The following POLK variants were observed in gnomAD, a reference collection of about 807,000 sequenced individuals.
POLK encodes the protein polymerase (DNA directed) kappa.
In POLK, 76 loss-of-function variants were observed where a neutral mutation model predicts 94.0. The observed-to-expected ratio is 0.81, with a 90% CI of 0.67 to 0.98. The LOEUF (loss-of-function observed/expected upper bound fraction) is 0.98. POLK is among the 50% of genes least tolerant of loss of function. The probability of loss-of-function intolerance (pLI) is 0.00; values close to 1 mark genes in which losing one functional copy is unlikely to be tolerated. For missense variants in POLK, 954 were observed against 1,010.1 expected (o/e 0.94, Z 0.75); for synonymous variants, 349 against 325.4 (o/e 1.07, Z -0.78).
At chr5:75,521,049 C>T (rs1768556358) in intron 1 of POLK, among the ~76,000 whole-genome samples, 1 of 152,068 alleles carries the variant, frequency 6.6e-6, no homozygotes, top group African/African-American at 2.4e-5. Flanking sequence ...AAGAGCCTCT[C>T]TTTGTCCTTG....
At chr5:75,537,720 C>T (rs1769519468) in intron 1 of POLK, among the ~76,000 whole-genome samples, 1 of 152,100 alleles carries the variant, frequency 6.6e-6, no homozygotes, top group Non-Finnish European at 1.5e-5. Context: ...TGTGCTTTTC[C>T]TAGCATCTGT....
At chr5:75,549,089 A>G (rs1770201936) in intron 2 of POLK, among the ~76,000 whole-genome samples, 2 of 151,996 alleles carry the variant, frequency 1.3e-5, no homozygotes, top group African/African-American at 2.4e-5. Context: ...AATCTGAGTG[A>G]TAGTTTTATA....
At chr5:75,545,040 C>A (rs1166890589) in intron 1 of POLK, among the ~76,000 whole-genome samples, 2 of 152,202 alleles carry the variant, frequency 1.3e-5, no homozygotes, top group Non-Finnish European at 2.9e-5. Context: ...CCCAGACCTT[C>A]TGATTTATTT....
chr5:75,511,640 C>CCCCTGTCCTTTCCCCTCCCCTT, upstream of POLK: 2 of 1,502,232 alleles, frequency 1.3e-6, no homozygotes, highest in South Asian at 1.3e-5. Context: ...ACCCTCCCCT[C>CCCCTGTCCTTTCCCCTCCCCTT]CCCTGTCCTT....
intron 1 of POLK, among the ~76,000 whole-genome samples, chr5:75,516,398 C>T (rs1768323204): frequency 6.6e-6 from 1 of 151,860 alleles, no homozygotes; most frequent in African/African-American, 2.4e-5. Flanking sequence ...GTCTGGGCAA[C>T]ATAGGGAGAC....
At chr5:75,522,860 T>TAA (rs376023741) in intron 1 of POLK, among the ~76,000 whole-genome samples, 13 of 150,914 alleles carry the variant, frequency 8.6e-5, no homozygotes, top group African/African-American at 2.9e-4. Context: ...TTTATTCTGT[T>TAA]AAAAAAAAAG....
upstream of POLK, chr5:75,511,549 G>A (rs981428149): frequency 1.1e-5 from 16 of 1,459,036 alleles, no homozygotes; most frequent in Non-Finnish European, 1.8e-6. Flanking sequence ...GAAAAGAAGG[G>A]AAGAGAAAAT....
chr5:75,513,900 G>A (rs572063165), intron 1 of POLK, among the ~76,000 whole-genome samples: 1 of 151,150 alleles, frequency 6.6e-6, no homozygotes, highest in Non-Finnish European at 1.5e-5. Context: ...TATTTTAAAG[G>A]CATACTATAT....
At chr5:75,596,800 T>C in exon 13 of POLK, 1 of 1,611,260 alleles carries the variant, frequency 6.2e-7, no homozygotes, top group Non-Finnish European at 8.5e-7. Context: ...TTGTATAGCT[T>C]TAGTAGATAC....
downstream of POLK, among the ~76,000 whole-genome samples, chr5:75,601,815 C>T (rs536230532): frequency 6.6e-6 from 1 of 152,248 alleles, no homozygotes; most frequent in African/African-American, 2.4e-5. Flanking sequence ...AGCTTGCAGA[C>T]TGTGGGACTT....
intron 5 of POLK, 83 bp from the exon 6 acceptor site, chr5:75,576,697 A>G (rs1007751411): frequency 3.3e-6 from 2 of 605,480 alleles, no homozygotes; most frequent in Non-Finnish European, 5.3e-6. Flanking sequence ...AACTAAGAAT[A>G]TTAACATTTC....
intron 11 of POLK, among the ~76,000 whole-genome samples, chr5:75,592,053 C>G (rs185425291): frequency 6.6e-6 from 1 of 152,286 alleles, no homozygotes; most frequent in African/African-American, 2.4e-5. Context: ...ACTTCCTCCT[C>G]CAGGGGATAC....
At chr5:75,601,717 T>G (rs1773301187), downstream of POLK, among the ~76,000 whole-genome samples, 4 of 152,290 alleles carry the variant, frequency 2.6e-5, no homozygotes, top group South Asian at 8.3e-4. Context: ...CCAGGGACTA[T>G]CAGGCCTTCA....
At chr5:75,558,456 A>G (rs1464542524) in intron 3 of POLK, among the ~76,000 whole-genome samples, 1 of 152,084 alleles carries the variant, frequency 6.6e-6, no homozygotes, top group Non-Finnish European at 1.5e-5. Context: ...TCCCAACTCC[A>G]TTTATTGAAT....
intron 1 of POLK, among the ~76,000 whole-genome samples, chr5:75,520,619 A>G (rs1235023034): frequency 5.9e-5 from 9 of 152,182 alleles, no homozygotes; most frequent in Non-Finnish European, 1.2e-4. Flanking sequence ...GGATAGTCTT[A>G]AACTCCTGGC....
rs578016675 is a variant in POLK, at chr5:75,522,612, A to T, written c.-14+10698A>T. 2.0e-5 allele frequency among the ~76,000 whole-genome samples: 3 copies of T among 152,282 alleles called. No homozygotes were observed. In the South Asian group the frequency reaches 6.2e-4, roughly 32 times the overall value. On this transcript the variant is annotated intron_variant, in intron 1 of 14. Transcript: ENST00000241436. ...TTGAAAGCTGAAGTATGATATAAAA[A>T]TGATTTCTTTTCCTACTGGATCATC...
chr5:75,511,636 C>A (rs899733261), upstream of POLK: 4 of 1,494,434 alleles, frequency 2.7e-6, no homozygotes, highest in African/African-American at 5.5e-5. Flanking sequence ...ATTTACCCTC[C>A]CCTCCCCTGT....
intron 1 of POLK, chr5:75,512,592 G>A (rs5744545): frequency 0.099 from 15,088 of 152,218 alleles, 890 homozygotes; most frequent in South Asian, 0.21. Context: ...GGCTATTTTT[G>A]TTTTAAGACT....
intron 3 of POLK, among the ~76,000 whole-genome samples, chr5:75,567,069 A>T (rs917893472): frequency 6.6e-6 from 1 of 152,236 alleles, no homozygotes; most frequent in Non-Finnish European, 1.5e-5. Flanking sequence ...TGTATGAGTC[A>T]TGCAGTGGAG....
Sources: gnomAD v4.1 joint callset for allele counts (sites outside exome capture counted in the v4.1 genomes callset) on GRCh38, gnomAD v4.1.1 for gene constraint, MANE v1.5 for transcripts, NCBI Gene and HGNC (gene_info 2026-07-23, HGNC 2026-07-21) for gene names.